KIF6: variants seen among roughly 807,000 people sequenced by gnomAD.
KIF6 encodes kinesin family member 6, also known as kinesin-like protein KIF6.
Under a neutral mutation model 112.7 loss-of-function variants are expected in KIF6, and 106 were observed. The observed-to-expected ratio is 0.94, with a 90% CI of 0.80 to 1.11. The LOEUF (loss-of-function observed/expected upper bound fraction) is 1.11, where lower values mean the gene tolerates loss of function less well. Ranked by LOEUF, KIF6 falls within the 50% of genes least tolerant of loss-of-function variation. The pLI is 0.00. For synonymous variants in KIF6, 339 were observed against 339.9 expected (o/e 1.00, Z 0.03); for missense variants, 929 against 964.0 (o/e 0.96, Z 0.48).
At chr6:39,686,771 T>G (rs1787893745) in intron 3 of KIF6, among the ~76,000 whole-genome samples, 1 of 152,232 alleles carries the variant, frequency 6.6e-6, no homozygotes, top group Non-Finnish European at 1.5e-5. Context: ...TATTGTACTC[T>G]TTTTAACAAT....
chr6:39,560,963 A>G (rs1472228151), intron 10 of KIF6, among the ~76,000 whole-genome samples: 1 of 152,256 alleles, frequency 6.6e-6, no homozygotes, highest in Non-Finnish European at 1.5e-5. Context: ...AGCAATGAAA[A>G]TACTGTTGCA....
At chr6:39,527,273 G>T (rs111246821) in intron 13 of KIF6, among the ~76,000 whole-genome samples, 1 of 152,170 alleles carries the variant, frequency 6.6e-6, no homozygotes, top group African/African-American at 2.4e-5. Flanking sequence ...AGAGAGAGAA[G>T]CAGAGCCTTC....
intron 10 of KIF6, among the ~76,000 whole-genome samples, chr6:39,564,318 T>A (rs1454822434): frequency 6.6e-6 from 1 of 152,204 alleles, no homozygotes; most frequent in Non-Finnish European, 1.5e-5. Context: ...CAGTTAATGA[T>A]AAACACAGAG....
intron 5 of KIF6, among the ~76,000 whole-genome samples, chr6:39,626,640 T>G (rs1269158107): frequency 6.6e-6 from 1 of 152,128 alleles, no homozygotes. Flanking sequence ...ATAAAATAAG[T>G]GCTCAATAAA....
intron 10 of KIF6, among the ~76,000 whole-genome samples, chr6:39,557,773 T>G (rs1413770000): frequency 6.6e-6 from 1 of 151,972 alleles, no homozygotes; most frequent in African/African-American, 2.4e-5. Flanking sequence ...TATACAGATA[T>G]AGAAAGACGT....
At chr6:39,412,453 CA>C (rs1769552966) in intron 15 of KIF6, among the ~76,000 whole-genome samples, 1 of 152,162 alleles carries the variant, frequency 6.6e-6, no homozygotes, top group Non-Finnish European at 1.5e-5. Context: ...ACCTTCTTGT[CA>C]AAATGTTCTT....
At chr6:39,556,674 G>A (rs533432646) in intron 10 of KIF6, among the ~76,000 whole-genome samples, 1 of 152,164 alleles carries the variant, frequency 6.6e-6, no homozygotes, top group South Asian at 2.1e-4. Context: ...TGGGAAAGGT[G>A]GGAAGGAGTG....
chr6:39,625,917 G>A (rs1373110143), intron 5 of KIF6, among the ~76,000 whole-genome samples: 1 of 152,106 alleles, frequency 6.6e-6, no homozygotes, highest in African/African-American at 2.4e-5. Flanking sequence ...ATGTTTGACA[G>A]TTTCCATATT....
chr6:39,353,913 A>T (rs1581653248), intron 19 of KIF6: 3 of 434,544 alleles, frequency 6.9e-6, no homozygotes, highest in East Asian at 1.1e-4. Context: ...GCTAAGTGTG[A>T]TGCCCAGACC....
In KIF6 at chr6:39,500,119, G is replaced by A. The variant is rs1360818128; in HGVS notation, c.1645+39884C>T. On this transcript the variant is annotated intron_variant, in intron 13 of 22. Coordinates refer to ENST00000287152, the MANE Select transcript of KIF6 (RefSeq NM_145027.6). Reference sequence around the variant, plus strand: ...GATGGGGCTAGAGAAAGGGCTTGGCGCTGTGCTGTACTTGAAGTATAAACG... The same window carrying A: ...GATGGGGCTAGAGAAAGGGCTTGGCACTGTGCTGTACTTGAAGTATAAACG... Among the ~76,000 whole-genome samples, 12 of 152,182 alleles carry A rather than the reference G, an allele frequency of 7.9e-5. 1 individual carries two copies. The highest frequency in any genetic ancestry group is 3.9e-4 in the Admixed American group (6 of 15,272).
At position 39,725,245 on chromosome 6, in the gene KIF6, C is replaced by T. The variant is rs148514295; in HGVS notation, c.66G>A (p.Gly22=). 10 of 1,608,888 alleles carry T rather than the reference C, an allele frequency of 6.2e-6. No individual in the cohort carries two copies. The African/African-American group carries it at 1.2e-4, about 20-fold the overall frequency. ...GCGCCCCGGAGGCTCCAGCCCGTAC[C>T]CCTTGTTGGTGCTTCCGGACAGGGG... The part of the protein sequence containing the change: ...VKPPVRKHQQ[G]IYSIDEDEKL... Residue 22 remains glycine (G), a splice_region_variant and synonymous_variant, in exon 1 of 23, where the codon GGG becomes GGA. Transcript: ENST00000287152.
At position 39,378,056 on chromosome 6, in the gene KIF6, C is replaced by G. The variant is rs150279640; in HGVS notation, c.1861+7566G>C. On this transcript the variant is annotated intron_variant, in intron 16 of 22. Transcript: ENST00000287152. This position sits in a 1 kb window ranked among gnomAD's most constrained non-coding sequence, Gnocchi z 5.0. ...TAATTAATACTATCAGTATAACTAT[C>G]TTCTATAACAGTATATGAAACATGC... is the stretch of plus-strand genomic sequence containing the variant. 3.1e-4 allele frequency among the ~76,000 whole-genome samples: 47 copies of G among 152,164 alleles called. No individual in the cohort carries two copies. The Middle Eastern group carries it at 0.014, about 44-fold the overall frequency.
chr6:39,648,714 C>T (rs531460147), intron 3 of KIF6, among the ~76,000 whole-genome samples: 1 of 152,312 alleles, frequency 6.6e-6, no homozygotes, highest in South Asian at 2.1e-4. Context: ...TGCATAATCA[C>T]AGTGCAGTCC....
At chr6:39,613,105 T>G in intron 6 of KIF6, 84 bp downstream of exon 6, 1 of 1,136,104 alleles carries the variant, frequency 8.8e-7, no homozygotes. Context: ...TAAACTTCTA[T>G]TATATCTTTT....
intron 13 of KIF6, among the ~76,000 whole-genome samples, chr6:39,535,796 T>C (rs1170228219): frequency 2.0e-5 from 3 of 152,006 alleles, no homozygotes; most frequent in Non-Finnish European, 4.4e-5. Context: ...ATTCCAAAAT[T>C]GACCACATAG....
chr6:39,480,085 A>G (rs1774699654), intron 13 of KIF6, among the ~76,000 whole-genome samples: 2 of 152,132 alleles, frequency 1.3e-5, no homozygotes, highest in African/African-American at 2.4e-5. Context: ...TTCCAGTACT[A>G]TGTTGAATAG....
intron 15 of KIF6, among the ~76,000 whole-genome samples, chr6:39,397,772 C>T (rs188855334): frequency 6.6e-6 from 1 of 152,250 alleles, no homozygotes; most frequent in East Asian, 1.9e-4. Context: ...GAGAACTACA[C>T]TTCTTCAGCC....
chr6:39,423,560 T>G (rs1770535220), intron 14 of KIF6, among the ~76,000 whole-genome samples: 1 of 152,074 alleles, frequency 6.6e-6, no homozygotes, highest in Non-Finnish European at 1.5e-5. Flanking sequence ...AGCCCTGCTT[T>G]AGTTCCTGAC....
intron 3 of KIF6, among the ~76,000 whole-genome samples, chr6:39,681,762 A>G (rs550435099): frequency 6.6e-6 from 1 of 152,302 alleles, no homozygotes; most frequent in African/African-American, 2.4e-5. Flanking sequence ...GTGGACTGGA[A>G]ATGCAATTTC....
Sources: gnomAD v4.1 joint callset for allele counts (sites outside exome capture counted in the v4.1 genomes callset) on GRCh38, gnomAD v4.1.1 for gene constraint, Gnocchi (gnomAD v3.1) non-coding constraint, MANE v1.5 for transcripts, NCBI Gene and HGNC (gene_info 2026-07-23, HGNC 2026-07-21) for gene names.